NEBL: variants seen among roughly 807,000 people sequenced by gnomAD.
The protein encoded by NEBL is LIM and SH3 protein 2.
NEBL carries 122 observed loss-of-function variants against 140.2 expected under a neutral mutation model. That is an observed-to-expected ratio of 0.87 (90% CI 0.75 to 1.01). NEBL has a LOEUF of 1.01. Ranked by LOEUF, NEBL falls within the 50% of genes least tolerant of loss-of-function variation. NEBL has a pLI of 0.00. For synonymous variants in NEBL, 436 were observed against 398.9 expected, an observed-to-expected ratio of 1.09 and a Z score of -1.11; for missense variants, 1,365 against 1,231.3, an observed-to-expected ratio of 1.11 and a Z score of -1.62.
At chr10:20,911,450 T>C (rs1463004075) in intron 4 of NEBL, among the ~76,000 whole-genome samples, 1 of 152,212 alleles carries the variant, frequency 6.6e-6, no homozygotes, top group East Asian at 1.9e-4. Flanking sequence ...CTTTGTATTA[T>C]GATTACATTT....
chr10:20,814,033 G>A lies in NEBL; in HGVS notation c.2252C>T (p.Thr751Ile), dbSNP rs1401864638. ...NQENISSVKY[T>I]QDHKQMKGRP... ...ACCTTTCATCTGTTTATGGTCCTGG[G>A]TATATTTTACCTGCAAAGTAAATAG... is the stretch of plus-strand genomic sequence containing the variant. The change falls in exon 23 of 28, where the codon ACC becomes ATC. Residue 751 changes from threonine (T) to isoleucine (I), a missense_variant. Thr to Ile is a moderately conservative substitution (Grantham distance 89). Transcript: ENST00000377122. The A allele has an allele frequency of 3.8e-6, 6 of 1,597,148 alleles. No individual in the cohort carries two copies. The African/African-American group carries it at 6.7e-5, about 18-fold the overall frequency.
rs372256814 is a variant in NEBL at position 21,160,236 on chromosome 10, C to T, written c.164+12147G>A. ...TTTTCTTTCAACGTCTGCCAAACTG[C>T]CATTCTGCAGGACACTTCCTGGGCA... On this transcript the variant is annotated intron_variant, in intron 2 of 6. Transcript: ENST00000417816. 3.3e-5 allele frequency among the ~76,000 whole-genome samples: 5 copies of T among 152,228 alleles called. No individual in the cohort carries two copies. The South Asian group carries it at 1.0e-3, about 32-fold the overall frequency.
At chr10:21,205,119 T>C (rs375713438) in intron 3 of NEBL, among the ~76,000 whole-genome samples, 2 of 152,212 alleles carry the variant, frequency 1.3e-5, no homozygotes, top group East Asian at 1.9e-4. Flanking sequence ...TTATCAGTGT[T>C]ATCTGCATCT....
chr10:20,907,045 T>C (rs1253415798), intron 4 of NEBL, among the ~76,000 whole-genome samples: 5 of 152,204 alleles, frequency 3.3e-5, no homozygotes, highest in Admixed American at 2.6e-4. Context: ...TGGTCAGATG[T>C]AGATAGTGGT....
At chr10:21,176,269 C>A (rs750972955), upstream of NEBL, among the ~76,000 whole-genome samples, 1 of 152,138 alleles carries the variant, frequency 6.6e-6, no homozygotes, top group Non-Finnish European at 1.5e-5. Flanking sequence ...TCCCAAAGTG[C>A]TAGGATTACA....
intron 11 of NEBL, among the ~76,000 whole-genome samples, chr10:20,849,459 G>A (rs1283080350): frequency 6.6e-6 from 1 of 152,168 alleles, no homozygotes; most frequent in Non-Finnish European, 1.5e-5. Flanking sequence ...AACTCTAAGA[G>A]GTGATCAGGC....
At chr10:21,084,104 T>C (rs1224967597) in intron 2 of NEBL, among the ~76,000 whole-genome samples, 2 of 152,238 alleles carry the variant, frequency 1.3e-5, no homozygotes, top group Non-Finnish European at 2.9e-5. Context: ...CCTAATCACC[T>C]GCTGGATAAA....
chr10:20,983,531 A>AACTTACTAG (rs1319819329), intron 3 of NEBL, among the ~76,000 whole-genome samples: 3 of 152,232 alleles, frequency 2.0e-5, no homozygotes, highest in African/African-American at 4.8e-5. Context: ...TTTGGCAATA[A>AACTTACTAG]ACTTACTAGT....
chr10:21,220,650 G>T (rs1037025181), intron 3 of NEBL, among the ~76,000 whole-genome samples: 1 of 151,962 alleles, frequency 6.6e-6, no homozygotes, highest in Non-Finnish European at 1.5e-5. Context: ...AGGCAAATGG[G>T]ATTGCATCAA....
chr10:21,286,151 C>A (rs1843052582), intron 1 of NEBL, among the ~76,000 whole-genome samples: 2 of 152,152 alleles, frequency 1.3e-5, no homozygotes, highest in Non-Finnish European at 2.9e-5. Context: ...TTTCTATTTT[C>A]TCTTAGTCAC....
At chr10:21,056,616 T>A (rs1318630865) in intron 2 of NEBL, among the ~76,000 whole-genome samples, 1 of 152,222 alleles carries the variant, frequency 6.6e-6, no homozygotes, top group Admixed American at 6.5e-5. Context: ...GAGTTGGAAC[T>A]CTTGCACATG....
rs115488036 is a variant in NEBL at position 21,214,447 on chromosome 10, A to G, written n.348+33474T>C. ...TCTCCTCAGTATAACTACCCCATACACACATGGCACACACATGGCACACAC... is the reference window on the plus strand; with the variant it reads ...TCTCCTCAGTATAACTACCCCATACGCACATGGCACACACATGGCACACAC... On this transcript the variant is annotated intron_variant and non_coding_transcript_variant, in intron 3 of 8. Transcript: ENST00000675702. Among the ~76,000 whole-genome samples the G allele has an allele frequency of 4.5e-3, 689 of 152,170 alleles. 8 individuals carry two copies. Among genetic ancestry groups the G allele is most frequent in the African/African-American group, 0.015 (636 of 41,530 alleles).
chr10:20,981,133 TAAAC>T (rs1837022354), intron 3 of NEBL, among the ~76,000 whole-genome samples: 1 of 152,118 alleles, frequency 6.6e-6, no homozygotes, highest in African/African-American at 2.4e-5. Flanking sequence ...AAATTCCACT[TAAAC>T]ACACAGGTTA....
At chr10:21,287,052 A>G (rs960417388) in intron 1 of NEBL, among the ~76,000 whole-genome samples, 3 of 152,178 alleles carry the variant, frequency 2.0e-5, no homozygotes, top group Admixed American at 1.3e-4. Flanking sequence ...GAATTCCCTA[A>G]TAAGAACCAA....
intron 7 of NEBL, among the ~76,000 whole-genome samples, chr10:20,864,203 A>T (rs962564729): frequency 7.9e-5 from 12 of 152,190 alleles, no homozygotes; most frequent in African/African-American, 2.9e-4. Flanking sequence ...TGGATATATT[A>T]ATTAATAAAC....
chr10:21,073,778 T>C (rs188494939), intron 2 of NEBL, among the ~76,000 whole-genome samples: 2 of 152,028 alleles, frequency 1.3e-5, no homozygotes, highest in Non-Finnish European at 2.9e-5. Context: ...ATGAATGCTA[T>C]GAAATGCCTA....
intron 1 of NEBL, among the ~76,000 whole-genome samples, chr10:21,281,322 G>GTT (rs1176502750): frequency 6.6e-6 from 1 of 151,876 alleles, no homozygotes; most frequent in African/African-American, 2.4e-5. Context: ...TGGTTTTGGG[G>GTT]TTTTTTGTGT....
chr10:21,225,492 C>G (rs918834167), intron 3 of NEBL, among the ~76,000 whole-genome samples: 1 of 152,166 alleles, frequency 6.6e-6, no homozygotes, highest in African/African-American at 2.4e-5. Flanking sequence ...CCCCCAACCC[C>G]AGGCAGGTCC....
chr10:21,269,878 G>C (rs895609631), intron 1 of NEBL, among the ~76,000 whole-genome samples: 4 of 152,186 alleles, frequency 2.6e-5, no homozygotes, highest in Non-Finnish European at 4.4e-5. Context: ...ACTTGACTTA[G>C]AGCAAATACA....
Sources: gnomAD v4.1 joint callset for allele counts (sites outside exome capture counted in the v4.1 genomes callset) on GRCh38, gnomAD v4.1.1 for gene constraint, MANE v1.5 for transcripts, NCBI Gene and HGNC (gene_info 2026-07-23, HGNC 2026-07-21) for gene names.